The following PRDM5 variants were observed in gnomAD, a reference collection of about 807,000 sequenced individuals.
PRDM5 encodes PR domain zinc finger protein 5.
A neutral mutation model predicts 81.2 loss-of-function variants in PRDM5; 56 were observed. The observed-to-expected ratio is 0.69, with a 90% CI of 0.56 to 0.86. The LOEUF is 0.86. Ranked by LOEUF, PRDM5 falls within the 40% of genes least tolerant of loss-of-function variation. The probability of loss-of-function intolerance (pLI) is 0.00; values close to 1 mark genes in which losing one functional copy is unlikely to be tolerated. For synonymous variants in PRDM5, 267 were observed against 256.4 expected, an observed-to-expected ratio of 1.04 and a Z score of -0.39; for missense variants, 697 against 770.1, an observed-to-expected ratio of 0.91 and a Z score of 1.12.
At chr4:120,800,002 T>C in intron 8 of PRDM5, among the ~76,000 whole-genome samples, 1 of 152,344 alleles carries the variant, frequency 6.6e-6, no homozygotes, top group Middle Eastern at 3.4e-3. Flanking sequence ...ATTTAGTACA[T>C]ATTAAATTTA....
chr4:120,879,883 C>T (rs150679833), intron 2 of PRDM5, among the ~76,000 whole-genome samples: 131 of 151,826 alleles, frequency 8.6e-4, no homozygotes, highest in African/African-American at 2.9e-3. Context: ...GAGGGAGGGA[C>T]GAATAGAGTA....
intron 3 of PRDM5, among the ~76,000 whole-genome samples, chr4:120,834,423 C>T (rs1648650519): frequency 6.6e-6 from 1 of 152,078 alleles, no homozygotes; most frequent in Admixed American, 6.6e-5. Context: ...AAGACAGCTG[C>T]CTATGAAACA....
At chr4:120,745,434 C>A (rs1340254466) in intron 14 of PRDM5, among the ~76,000 whole-genome samples, 2 of 146,772 alleles carry the variant, frequency 1.4e-5, no homozygotes, top group African/African-American at 5.1e-5. Flanking sequence ...CTGGCCAGGG[C>A]AGTTAGGCAG....
At chr4:120,807,093 GA>G (rs1463450727) in intron 8 of PRDM5, among the ~76,000 whole-genome samples, 5 of 152,212 alleles carry the variant, frequency 3.3e-5, no homozygotes, top group Non-Finnish European at 7.3e-5. Context: ...ACAGACACAT[GA>G]AAAAATGCTC....
chr4:120,872,952 TA>T (rs1183655047), intron 2 of PRDM5, among the ~76,000 whole-genome samples: 5 of 152,120 alleles, frequency 3.3e-5, no homozygotes, highest in African/African-American at 1.2e-4. Flanking sequence ...CTTAAAGTGG[TA>T]AGTGGACAGT....
intron 1 of PRDM5, among the ~76,000 whole-genome samples, chr4:120,685,508 T>C (rs2148974493): frequency 6.6e-6 from 1 of 152,236 alleles, no homozygotes; most frequent in South Asian, 2.1e-4. Context: ...CAAATTAAAA[T>C]GTTATCAATT....
chr4:120,702,939 T>C (rs1735591990), intron 15 of PRDM5, among the ~76,000 whole-genome samples: 1 of 152,170 alleles, frequency 6.6e-6, no homozygotes, highest in Non-Finnish European at 1.5e-5. Flanking sequence ...CAATTCTCTT[T>C]TTTACTTCAC....
At chr4:120,760,680 T>G (rs1352335709) in intron 13 of PRDM5, among the ~76,000 whole-genome samples, 4 of 152,030 alleles carry the variant, frequency 2.6e-5, no homozygotes, top group African/African-American at 9.7e-5. Context: ...AAGTTGATTT[T>G]GGTTGATTTT....
Position 120,799,710 on chromosome 4 carries a change from C to T in PRDM5, c.981G>A (p.Lys327=), listed in dbSNP as rs911184035. 5 of 1,612,756 alleles carry T rather than the reference C, an allele frequency of 3.1e-6. No homozygotes were observed. Among genetic ancestry groups the T allele is most frequent in the Non-Finnish European group, 4.2e-6 (5 of 1,179,664 alleles). The part of the protein sequence containing the change: ...HEIFDCQECM[K]KFISANQLKR... The stretch of plus-strand genomic sequence containing the variant: ...TTAGCTGATTAGCTGAAATAAATTT[C>T]TTCATACATTCTTGACAATCAAATA... Residue 327 remains lysine (K), a synonymous_variant, in exon 9 of 16, where the codon AAG becomes AAA. Coordinates refer to ENST00000264808, the MANE Select transcript of PRDM5 (RefSeq NM_018699.4).
intron 8 of PRDM5, among the ~76,000 whole-genome samples, chr4:120,800,756 T>C (rs924841640): frequency 1.3e-5 from 2 of 152,182 alleles, no homozygotes; most frequent in Admixed American, 6.5e-5. Context: ...AATGGATGCA[T>C]TAATTTATTT....
Position 120,781,189 on chromosome 4 carries a change from C to T in PRDM5, c.1397G>A (p.Cys466Tyr), listed in dbSNP as rs1561207455. 2.5e-6 allele frequency: 4 copies of T among 1,613,472 alleles called. No individual in the cohort carries two copies. Among genetic ancestry groups the T allele is most frequent in the Non-Finnish European group, 3.4e-6 (4 of 1,179,580 alleles). The change falls in exon 12 of 16, where the codon TGT becomes TAT. Residue 466 changes from cysteine (C) to tyrosine (Y), a missense_variant. Transcript: ENST00000264808. ...TGAAGGTGTAACAAAGGCCTTATTA[C>T]ATAGCTCACACCTATACTTCTTGTG... ...ERHKKYRCEL[C>Y]NKAFVTPSVL...
At chr4:120,724,143 T>C (rs1456698238) in intron 14 of PRDM5, among the ~76,000 whole-genome samples, 1 of 152,164 alleles carries the variant, frequency 6.6e-6, no homozygotes, top group Non-Finnish European at 1.5e-5. Context: ...CCAAGCTCTA[T>C]TTACAAAGGA....
chr4:120,718,360 A>T (rs1206682990), intron 14 of PRDM5, among the ~76,000 whole-genome samples: 6 of 152,218 alleles, frequency 3.9e-5, no homozygotes, highest in Admixed American at 1.3e-4. Context: ...TTTTGTTCCA[A>T]ATTAATTTTG....
At chr4:120,759,183 C>T (rs986459347) in intron 13 of PRDM5, among the ~76,000 whole-genome samples, 1 of 152,176 alleles carries the variant, frequency 6.6e-6, no homozygotes, top group East Asian at 1.9e-4. Flanking sequence ...CCCATGCCAC[C>T]CGCCAACACT....
intron 14 of PRDM5, among the ~76,000 whole-genome samples, chr4:120,749,890 TGCC>T (rs1309771428): frequency 1.3e-5 from 2 of 152,122 alleles, no homozygotes; most frequent in East Asian, 3.9e-4. Flanking sequence ...CTCTTTCTCA[TGCC>T]CCAAACCTTC....
intron 1 of PRDM5, among the ~76,000 whole-genome samples, chr4:120,918,428 A>G (rs895422526): frequency 6.6e-6 from 1 of 152,152 alleles, no homozygotes; most frequent in Non-Finnish European, 1.5e-5. Flanking sequence ...CACCTTCTAC[A>G]CTGATCAACA....
chr4:120,809,037 GCTC>G (rs1753441206), intron 8 of PRDM5, among the ~76,000 whole-genome samples: 2 of 152,234 alleles, frequency 1.3e-5, no homozygotes, highest in East Asian at 3.9e-4. Context: ...GGGCTGAAAG[GCTC>G]CTCAAGCATG....
intron 2 of PRDM5, among the ~76,000 whole-genome samples, chr4:120,884,574 C>T (rs925352957): frequency 1.3e-5 from 2 of 152,104 alleles, no homozygotes. Flanking sequence ...CCTTCTCTGC[C>T]CGATACTTTT....
At chr4:120,891,939 A>G (rs1434682781) in intron 2 of PRDM5, among the ~76,000 whole-genome samples, 1 of 152,178 alleles carries the variant, frequency 6.6e-6, no homozygotes, top group Non-Finnish European at 1.5e-5. Context: ...TTTTATTTGA[A>G]TGTTTAGCAC....
Sources: gnomAD v4.1 joint callset for allele counts (sites outside exome capture counted in the v4.1 genomes callset) on GRCh38, gnomAD v4.1.1 for gene constraint, MANE v1.5 for transcripts, NCBI Gene and HGNC (gene_info 2026-07-23, HGNC 2026-07-21) for gene names.